The following ARB2A variants were observed in gnomAD, a reference collection of about 807,000 sequenced individuals.
ARB2A encodes ARB2 cotranscriptional regulator A.
chr5:93,761,020 T>C, the ARB2A span, among the ~76,000 whole-genome samples: 1 of 152,056 alleles, frequency 6.6e-6, no homozygotes, highest in East Asian at 1.9e-4. Context: ...AGGACTAATA[T>C]CTAGAATCTA....
At chr5:93,997,417 A>G in the ARB2A span, among the ~76,000 whole-genome samples, 1 of 152,054 alleles carries the variant, frequency 6.6e-6, no homozygotes, top group Non-Finnish European at 1.5e-5. Context: ...GAATCTCAGT[A>G]TACCCTCAAC....
chr5:93,996,297 ATAAC>A, the ARB2A span, among the ~76,000 whole-genome samples: 8 of 152,152 alleles, frequency 5.3e-5, no homozygotes, highest in African/African-American at 9.6e-5. Flanking sequence ...CAAAAAATAA[ATAAC>A]TGTTTCTCCA....
At chr5:93,853,979 G>C in the ARB2A span, among the ~76,000 whole-genome samples, 12 of 152,310 alleles carry the variant, frequency 7.9e-5, no homozygotes, top group South Asian at 2.5e-3. Flanking sequence ...CATAAAATGA[G>C]TTAGGGAGGA....
the ARB2A span, among the ~76,000 whole-genome samples, chr5:93,831,898 T>G: frequency 6.6e-6 from 1 of 152,156 alleles, no homozygotes; most frequent in Non-Finnish European, 1.5e-5. Context: ...TCAGCTTGAC[T>G]AAGGTCAAGC....
the ARB2A span, among the ~76,000 whole-genome samples, chr5:93,981,985 G>C: frequency 1.3e-5 from 2 of 152,054 alleles, no homozygotes; most frequent in Non-Finnish European, 2.9e-5. Context: ...TACCTCTCCA[G>C]ATACAAATAG....
At chr5:93,677,026 G>C in the ARB2A span, among the ~76,000 whole-genome samples, 1 of 152,110 alleles carries the variant, frequency 6.6e-6, no homozygotes, top group African/African-American at 2.4e-5. Context: ...ATCATCCTAC[G>C]AATATCTGGC....
At chr5:93,758,445 A>G in the ARB2A span, among the ~76,000 whole-genome samples, 2 of 152,162 alleles carry the variant, frequency 1.3e-5, no homozygotes, top group Non-Finnish European at 2.9e-5. Flanking sequence ...CAGAATACAC[A>G]TTCTATTCAA....
At chr5:93,660,240 G>A in the ARB2A span, among the ~76,000 whole-genome samples, 2,068 of 152,156 alleles carry the variant, frequency 0.014, 28 homozygotes, top group Non-Finnish European at 0.022. Context: ...AAAGTTTACC[G>A]GAGTTAAGTA....
the ARB2A span, among the ~76,000 whole-genome samples, chr5:94,000,686 C>T: frequency 0.025 from 3,742 of 152,068 alleles, 76 homozygotes; most frequent in South Asian, 0.065. Context: ...CTTTCTTTCA[C>T]GGACTATACC....
the ARB2A span, among the ~76,000 whole-genome samples, chr5:93,922,020 A>T: frequency 6.6e-6 from 1 of 152,182 alleles, no homozygotes; most frequent in Non-Finnish European, 1.5e-5. Flanking sequence ...GGGGTTCATA[A>T]GGACTTTTAA....
At chr5:93,639,665 A>T in the ARB2A span, among the ~76,000 whole-genome samples, 1 of 152,202 alleles carries the variant, frequency 6.6e-6, no homozygotes, top group Non-Finnish European at 1.5e-5. Context: ...GTAAGATGGG[A>T]TTGACTACTT....
chr5:93,726,005 T>C, the ARB2A span, among the ~76,000 whole-genome samples: 1 of 152,028 alleles, frequency 6.6e-6, no homozygotes, highest in Non-Finnish European at 1.5e-5. Context: ...GGTAATTGGT[T>C]GATACAGCAA....
the ARB2A span, chr5:93,861,511 GTGTTCTTTGATTTT>G: frequency 6.6e-6 from 1 of 152,148 alleles, no homozygotes; most frequent in East Asian, 1.9e-4. Context: ...GTAGGGTCAT[GTGTTCTTTGATTTT>G]CACATCCCAC....
the ARB2A span, among the ~76,000 whole-genome samples, chr5:94,093,158 A>C: frequency 2.6e-5 from 4 of 152,106 alleles, no homozygotes; most frequent in African/African-American, 9.7e-5. Context: ...ACATTTCTTC[A>C]AGTTTTTAAA....
At chr5:93,789,734 A>C in the ARB2A span, among the ~76,000 whole-genome samples, 1 of 152,316 alleles carries the variant, frequency 6.6e-6, no homozygotes, top group East Asian at 1.9e-4. Context: ...TTTTCTGTTA[A>C]GGTCAGAGAC....
At chr5:94,093,229 A>G in the ARB2A span, among the ~76,000 whole-genome samples, 1 of 152,280 alleles carries the variant, frequency 6.6e-6, no homozygotes, top group South Asian at 2.1e-4. Context: ...ACTAGATCAC[A>G]AATAATCTAA....
the ARB2A span, among the ~76,000 whole-genome samples, chr5:93,810,879 A>G: frequency 3.9e-5 from 6 of 151,998 alleles, no homozygotes; most frequent in Admixed American, 6.6e-5. Context: ...AAGTTACTTA[A>G]TATTTCTGTG....
At chr5:93,631,913 A>C in the ARB2A span, among the ~76,000 whole-genome samples, 4 of 152,240 alleles carry the variant, frequency 2.6e-5, no homozygotes, top group Non-Finnish European at 5.9e-5. Context: ...ATGTGAATTT[A>C]CTAGTTCAAA....
chr5:93,968,307 G>A, the ARB2A span, among the ~76,000 whole-genome samples: 4,913 of 152,160 alleles, frequency 0.032, 134 homozygotes, highest in East Asian at 0.13. Flanking sequence ...ATATGTTAAG[G>A]CTTTATTGGA....
Sources: allele counts gnomAD v4.1 joint callset (sites outside exome capture counted in the v4.1 genomes callset), GRCh38; gene constraint gnomAD v4.1.1; transcripts MANE v1.5; gene names NCBI Gene and HGNC (gene_info 2026-07-23, HGNC 2026-07-21).